CHN2: variants seen among roughly 807,000 people sequenced by gnomAD.
CHN2 encodes the protein beta-chimaerin.
Under a neutral mutation model 56.3 loss-of-function variants are expected in CHN2, and 35 were observed. The observed-to-expected ratio is 0.62, with a 90% confidence interval of 0.47 to 0.82. The LOEUF is 0.82. Ranked by LOEUF, CHN2 falls within the 40% of genes least tolerant of loss-of-function variation. CHN2 has a pLI of 0.00. For missense variants in CHN2, 491 were observed against 580.5 expected (o/e 0.85, Z 1.58); for synonymous variants, 210 against 212.8 (o/e 0.99, Z 0.12).
intron 6 of CHN2, among the ~76,000 whole-genome samples, chr7:29,473,471 T>TGTG (rs1491098162): frequency 0.035 from 1,926 of 54,602 alleles, 46 homozygotes; most frequent in Admixed American, 0.13. Context: ...TGTGTTTGTG[T>TGTG]TTTTTTTTTT....
chr7:29,398,646 G>C (rs1294099809), intron 5 of CHN2, among the ~76,000 whole-genome samples, 160 bp downstream of exon 5: 1 of 152,136 alleles, frequency 6.6e-6, no homozygotes, highest in Non-Finnish European at 1.5e-5. Flanking sequence ...ACCCAGGCTG[G>C]AGTGCAGTGG....
Position 29,512,547 on chromosome 7 carries a change from A to C in CHN2, c.1236-17A>C. Reference sequence around the variant, plus strand: ...CAAGTCTCCATAATGTCTCTGTTCTATATGTTTGTTTTGCAGGGTTACTAT... The same window carrying C: ...CAAGTCTCCATAATGTCTCTGTTCTCTATGTTTGTTTTGCAGGGTTACTAT... On this transcript the variant is annotated splice_polypyrimidine_tract_variant and intron_variant, in intron 12 of 12. Transcript: ENST00000222792. The C allele has an allele frequency of 1.9e-6, 3 of 1,605,112 alleles. No homozygotes were observed. Among genetic ancestry groups the C allele is most frequent in the African/African-American group, 1.3e-5 (1 of 74,540 alleles).
Position 29,297,028 on chromosome 7 carries a change from G to C in CHN2, c.50-57597G>C, listed in dbSNP as rs182738337. On this transcript the variant is annotated intron_variant, in intron 1 of 12. Coordinates refer to ENST00000222792, the MANE Select transcript of CHN2 (RefSeq NM_004067.4). ...CTAACGTTGTAGGACATTCTTCTTA[G>C]TTCAGGTAAAGACAGGGTTCTTGTT... is the stretch of plus-strand genomic sequence containing the variant. Among the ~76,000 whole-genome samples the C allele has an allele frequency of 2.3e-3, 352 of 152,314 alleles. 2 individuals carry two copies. Among genetic ancestry groups the C allele is most frequent in the African/African-American group, 8.2e-3 (340 of 41,562 alleles).
At chr7:29,341,525 G>A (rs1797052453) in intron 1 of CHN2, among the ~76,000 whole-genome samples, 2 of 151,930 alleles carry the variant, frequency 1.3e-5, no homozygotes, top group Admixed American at 1.3e-4. Context: ...ATCTGGGGAA[G>A]AGTTGCAAGT....
At chr7:29,153,505 G>A (rs1292441593) in intron 2 of CHN2, among the ~76,000 whole-genome samples, 2 of 152,100 alleles carry the variant, frequency 1.3e-5, no homozygotes, top group East Asian at 1.9e-4. Context: ...AAGACAATGA[G>A]GATGAAGACC....
intron 6 of CHN2, among the ~76,000 whole-genome samples, chr7:29,447,888 T>C (rs143145946): frequency 6.6e-6 from 1 of 152,346 alleles, no homozygotes; most frequent in Non-Finnish European, 1.5e-5. Context: ...TGGGTGCATA[T>C]TAGAATCACT....
intron 1 of CHN2, among the ~76,000 whole-genome samples, chr7:29,339,437 T>C (rs994056803): frequency 6.6e-6 from 1 of 152,198 alleles, no homozygotes; most frequent in Admixed American, 6.5e-5. Flanking sequence ...AAATTGAACA[T>C]CTTGGAGAGC....
At chr7:29,273,377 A>ATATATGTGTATATATATATATATATG in intron 1 of CHN2, among the ~76,000 whole-genome samples, 1 of 52,406 alleles carries the variant, frequency 1.9e-5, no homozygotes, top group Non-Finnish European at 3.4e-5. Flanking sequence ...ATATATATAT[A>ATATATGTGTATATATATATATATATG]TATATATATA....
rs1283189694 is a variant in CHN2 at position 29,496,020 on chromosome 7, A to G, written c.723A>G (p.Gln241=). ...CANFMWGLIA[Q]GVRCSDCGLN... The stretch of plus-strand genomic sequence containing the variant: ...ATTTCATGTGGGGGCTCATCGCCCA[A>G]GGGGTCCGGTGCTCAGGTAGACACA... Residue 241 remains glutamine (Q), a synonymous_variant, in exon 8 of 13, where the codon CAA becomes CAG. Coordinates refer to ENST00000222792, the MANE Select transcript of CHN2 (RefSeq NM_004067.4). The G allele has an allele frequency of 1.2e-6, 2 of 1,612,846 alleles. No homozygotes were observed. The highest frequency in any genetic ancestry group is 8.5e-7 in the Non-Finnish European group (1 of 1,179,604).
chr7:29,454,533 G>A (rs1342550845), intron 6 of CHN2, among the ~76,000 whole-genome samples: 1 of 152,176 alleles, frequency 6.6e-6, no homozygotes, highest in African/African-American at 2.4e-5. Context: ...GTGAGGATGG[G>A]CCAGGTTAGG....
intron 1 of CHN2, among the ~76,000 whole-genome samples, chr7:29,348,308 C>T (rs913407684): frequency 2.6e-5 from 4 of 152,106 alleles, no homozygotes; most frequent in Admixed American, 6.6e-5. Flanking sequence ...AACTTTAGCA[C>T]GTAAGGTTTT....
At chr7:29,510,539 T>C (rs1791187003) in intron 12 of CHN2, among the ~76,000 whole-genome samples, 1 of 152,184 alleles carries the variant, frequency 6.6e-6, no homozygotes, top group Non-Finnish European at 1.5e-5. Context: ...TAAAGGCTGT[T>C]GGACTGAAGG....
At chr7:29,234,241 A>G (rs1786998434) in intron 1 of CHN2, among the ~76,000 whole-genome samples, 1 of 148,026 alleles carries the variant, frequency 6.8e-6, no homozygotes, top group South Asian at 2.1e-4. Context: ...TTGTTGCTGC[A>G]GCAATAAGAA....
intron 6 of CHN2, among the ~76,000 whole-genome samples, chr7:29,415,194 A>G (rs1803611071): frequency 6.6e-6 from 1 of 152,236 alleles, no homozygotes; most frequent in Non-Finnish European, 1.5e-5. Flanking sequence ...CTTTGCTGGA[A>G]GAATTAAGAA....
At chr7:29,277,232 CT>C (rs930020888) in intron 1 of CHN2, among the ~76,000 whole-genome samples, 2 of 152,196 alleles carry the variant, frequency 1.3e-5, no homozygotes, top group Admixed American at 6.5e-5. Flanking sequence ...ATGACTTTCA[CT>C]TTGTAATTGA....
intron 1 of CHN2, among the ~76,000 whole-genome samples, chr7:29,246,534 G>C (rs570355416): frequency 6.6e-6 from 1 of 152,284 alleles, no homozygotes; most frequent in Admixed American, 6.5e-5. Context: ...ATGGCTCACA[G>C]GGGCCATTGA....
chr7:29,261,352 C>T (rs245984), intron 1 of CHN2, among the ~76,000 whole-genome samples: 15,417 of 152,106 alleles, frequency 0.1, 1,081 homozygotes, highest in African/African-American at 0.2. Context: ...TAGTACCTTC[C>T]ACTTCATCTC....
At chr7:29,251,181 T>C (rs1788483562) in intron 1 of CHN2, among the ~76,000 whole-genome samples, 4 of 152,208 alleles carry the variant, frequency 2.6e-5, no homozygotes. Flanking sequence ...AGACCAGGCA[T>C]GTGGCTCAGG....
chr7:29,439,881 A>T (rs1273801452), intron 6 of CHN2, among the ~76,000 whole-genome samples: 2 of 152,114 alleles, frequency 1.3e-5, no homozygotes, highest in Non-Finnish European at 2.9e-5. Flanking sequence ...GGTTCTCACA[A>T]CTCTGTGGAG....
Sources: allele counts gnomAD v4.1 joint callset (sites outside exome capture counted in the v4.1 genomes callset), GRCh38; gene constraint gnomAD v4.1.1; transcripts MANE v1.5; gene names NCBI Gene and HGNC (gene_info 2026-07-23, HGNC 2026-07-21).